The following CSMD1 variants were observed in gnomAD, a reference collection of about 807,000 sequenced individuals.
CSMD1 encodes the protein CUB and Sushi multiple domains 1.
CSMD1 carries 213 observed loss-of-function variants against 417.5 expected under a neutral mutation model. The observed-to-expected ratio is 0.51, with a 90% CI of 0.46 to 0.57. The LOEUF (loss-of-function observed/expected upper bound fraction) is 0.57. CSMD1 is among the 20% of genes least tolerant of loss of function. The pLI is 0.00. For missense variants in CSMD1, 6,923 were observed against 4,529.7 expected (o/e 1.53, Z -15.17); for synonymous variants, 2,862 against 1,736.8 (o/e 1.65, Z -16.11).
chr8:3,494,573 TAG>T (rs1563092054), intron 10 of CSMD1, among the ~76,000 whole-genome samples: 2 of 148,678 alleles, frequency 1.3e-5, no homozygotes, highest in African/African-American at 5.1e-5. Flanking sequence ...GATAGATAGA[TAG>T]ATAGATAGAT....
intron 6 of CSMD1, among the ~76,000 whole-genome samples, chr8:3,713,779 T>C (rs763308827): frequency 6.6e-5 from 10 of 152,118 alleles, no homozygotes; most frequent in Admixed American, 3.9e-4. Flanking sequence ...ACAGAGGAAA[T>C]TGTTTTGTGT....
intron 26 of CSMD1, among the ~76,000 whole-genome samples, chr8:3,270,613 T>A (rs939800049): frequency 5.3e-5 from 8 of 152,168 alleles, no homozygotes; most frequent in African/African-American, 1.9e-4. Flanking sequence ...GCCCTTTTAT[T>A]ATATAGGTAT....
chr8:3,223,688 A>T (rs377567020), intron 28 of CSMD1, 41 bp downstream of exon 28: 2 of 1,603,698 alleles, frequency 1.2e-6, no homozygotes, highest in African/African-American at 2.7e-5. Flanking sequence ...GTATGGAATT[A>T]AAAATCCTAC....
chr8:4,371,524 AAG>A (rs1441468407), intron 3 of CSMD1, among the ~76,000 whole-genome samples: 4 of 152,230 alleles, frequency 2.6e-5, no homozygotes, highest in Non-Finnish European at 4.4e-5. Context: ...CCCTTATGCA[AAG>A]AGACAATATC....
At chr8:3,088,030 T>G (rs1049811243) in intron 48 of CSMD1, among the ~76,000 whole-genome samples, 1 of 152,222 alleles carries the variant, frequency 6.6e-6, no homozygotes, top group African/African-American at 2.4e-5. Context: ...ATTAACCTTC[T>G]TTTTTAGCAT....
rs112210411 is a variant in CSMD1 at position 3,499,502 on chromosome 8, G to C, written c.1345-5776C>G. 4.6e-5 allele frequency among the ~76,000 whole-genome samples: 7 copies of C among 152,182 alleles called. 1 individual carries two copies. Among genetic ancestry groups the C allele is most frequent in the South Asian group, 2.1e-4 (1 of 4,816 alleles). ...ATTCAGCAACTCCACTGCTTGGAGT[G>C]GGGGGAGTGTTCACTGCTGGCAGCA... is the stretch of plus-strand genomic sequence containing the variant. On this transcript the variant is annotated intron_variant, in intron 10 of 69. Transcript: ENST00000635120.
intron 3 of CSMD1, among the ~76,000 whole-genome samples, chr8:4,328,085 T>A (rs576450509): frequency 2.0e-5 from 3 of 152,214 alleles, no homozygotes; most frequent in African/African-American, 7.2e-5. Context: ...TTACATGATA[T>A]GTAACAGAAA....
intron 7 of CSMD1, among the ~76,000 whole-genome samples, chr8:3,632,346 A>AC (rs58367526): frequency 1.3e-5 from 2 of 151,734 alleles, no homozygotes; most frequent in South Asian, 2.1e-4. Context: ...CAGCCCTGAC[A>AC]CCCCCCCATC....
chr8:4,180,037 A>G (rs1584969065), intron 3 of CSMD1, among the ~76,000 whole-genome samples: 17 of 152,260 alleles, frequency 1.1e-4, no homozygotes, highest in East Asian at 5.8e-4. Flanking sequence ...TCAAGGACCT[A>G]GAACTGGAAA....
intron 50 of CSMD1, among the ~76,000 whole-genome samples, chr8:3,033,000 A>G (rs1447802730): frequency 6.6e-6 from 1 of 152,138 alleles, no homozygotes; most frequent in Non-Finnish European, 1.5e-5. Flanking sequence ...AGAGAATAAT[A>G]CCACGGCAAC....
At chr8:3,822,460 G>C (rs954005407) in intron 5 of CSMD1, among the ~76,000 whole-genome samples, 1 of 152,106 alleles carries the variant, frequency 6.6e-6, no homozygotes, top group Non-Finnish European at 1.5e-5. Flanking sequence ...AGAACAATAG[G>C]TATTCCTAAC....
intron 1 of CSMD1, among the ~76,000 whole-genome samples, chr8:4,818,152 T>G (rs1015329405): frequency 1.3e-5 from 2 of 152,172 alleles, no homozygotes; most frequent in African/African-American, 4.8e-5. Context: ...ATAATTTATG[T>G]GACAAATGAG....
At chr8:3,045,742 T>A (rs1811393536) in intron 50 of CSMD1, among the ~76,000 whole-genome samples, 1 of 152,292 alleles carries the variant, frequency 6.6e-6, no homozygotes, top group South Asian at 2.1e-4. Flanking sequence ...GGAAGACAGA[T>A]TCTCTTCTCC....
At chr8:4,691,322 T>C (rs1264033693) in intron 1 of CSMD1, among the ~76,000 whole-genome samples, 2 of 152,182 alleles carry the variant, frequency 1.3e-5, no homozygotes, top group African/African-American at 2.4e-5. Context: ...TCTTTCCTGA[T>C]AACCTCTACC....
chr8:4,608,975 C>T (rs1026617253), intron 2 of CSMD1, among the ~76,000 whole-genome samples: 1 of 150,646 alleles, frequency 6.6e-6, no homozygotes, highest in African/African-American at 2.5e-5. Flanking sequence ...CTTTTTCCTG[C>T]TGAGGTGCTC....
intron 27 of CSMD1, among the ~76,000 whole-genome samples, chr8:3,228,446 G>A (rs1045397852): frequency 2.0e-5 from 3 of 152,066 alleles, no homozygotes; most frequent in Non-Finnish European, 4.4e-5. Flanking sequence ...TAACACCTAC[G>A]CATGTAGGCG....
intron 33 of CSMD1, 136 bp from the exon 34 acceptor site, chr8:3,190,251 A>T: frequency 1.7e-6 from 1 of 593,036 alleles, no homozygotes; most frequent in East Asian, 3.0e-5. Context: ...AACAATCGCT[A>T]TAGAGAATGA....
In CSMD1 at chr8:3,619,799, G is replaced by C. The variant is rs562939640; in HGVS notation, c.1010-3002C>G. ...AGGTTAGAAAGCAATGGATAGGCTG[G>C]GCACGGTGGCTCACACAACGTAATA... On this transcript the variant is annotated intron_variant, in intron 7 of 69. Coordinates refer to ENST00000635120, the MANE Select transcript of CSMD1 (RefSeq NM_033225.6). Among the ~76,000 whole-genome samples, 4 of 152,262 alleles carry C rather than the reference G, an allele frequency of 2.6e-5. No individual in the cohort carries two copies. The South Asian group carries it at 6.2e-4, about 24-fold the overall frequency.
chr8:4,353,704 ATCT>A (rs1419980180), intron 3 of CSMD1, among the ~76,000 whole-genome samples: 7 of 151,972 alleles, frequency 4.6e-5, no homozygotes, highest in Non-Finnish European at 8.8e-5. Context: ...CATAAGAAAA[ATCT>A]TCTTTGTGAA....
Sources: allele counts gnomAD v4.1 joint callset (sites outside exome capture counted in the v4.1 genomes callset), GRCh38; gene constraint gnomAD v4.1.1; transcripts MANE v1.5; gene names NCBI Gene and HGNC (gene_info 2026-07-23, HGNC 2026-07-21).